POLA2: variants seen among roughly 807,000 people sequenced by gnomAD.
POLA2 encodes the protein DNA polymerase alpha subunit B.
POLA2 carries 47 observed loss-of-function variants against 82.8 expected under a neutral mutation model. The observed-to-expected ratio is 0.57, with a 90% confidence interval of 0.45 to 0.72. The LOEUF (loss-of-function observed/expected upper bound fraction) is 0.72. POLA2 is among the 30% of genes least tolerant of loss of function. The probability of loss-of-function intolerance (pLI) is 0.00; values close to 1 mark genes in which losing one functional copy is unlikely to be tolerated. For missense variants in POLA2, 634 were observed against 728.1 expected, an observed-to-expected ratio of 0.87 and a Z score of 1.49; for synonymous variants, 287 against 286.8, an observed-to-expected ratio of 1.00 and a Z score of -0.01.
chr11:65,297,731 A>G lies in POLA2; in HGVS notation c.*462A>G. On this transcript the variant is annotated 3_prime_UTR_variant, in exon 18 of 18. Coordinates refer to ENST00000265465, the MANE Select transcript of POLA2 (RefSeq NM_002689.4). ...AGTGGTGAGATCTCGGCTCACTGCA[A>G]GCTCTGCCGCCCGGGTTCATGCCAT... 1 of 150,630 alleles carries G rather than the reference A, an allele frequency of 6.6e-6. No homozygotes were observed. The highest frequency in any genetic ancestry group is 1.5e-5 in the Non-Finnish European group (1 of 67,588). The allele number at this position is 150,630 out of a possible 1,614,324, so 9.3% of individuals were successfully genotyped here.
At chr11:65,302,129 C>T (rs1949862290), downstream of POLA2, among the ~76,000 whole-genome samples, 1 of 152,184 alleles carries the variant, frequency 6.6e-6, no homozygotes, top group Admixed American at 6.5e-5. Context: ...GGCCCCTGCA[C>T]ACTGCTCCCT....
intron 4 of POLA2, among the ~76,000 whole-genome samples, chr11:65,270,529 C>T (rs1949510745): frequency 6.6e-6 from 1 of 152,194 alleles, no homozygotes; most frequent in South Asian, 2.1e-4. Context: ...GATTTTCCTC[C>T]TAAAGTGGTT....
At position 65,279,640 on chromosome 11, in the gene POLA2, T is replaced by G. The variant is rs1590899891; in HGVS notation, c.744+14T>G. On this transcript the variant is annotated intron_variant, in intron 7 of 17. Transcript: ENST00000265465. ...GCCCCAGCACAGGTAAGAGTTGTTCTAATAGTTCTCACTAATTAATATTAC... is the reference window on the plus strand; with the variant it reads ...GCCCCAGCACAGGTAAGAGTTGTTCGAATAGTTCTCACTAATTAATATTAC... 3 of 1,557,274 alleles carry G rather than the reference T, an allele frequency of 1.9e-6. No individual in the cohort carries two copies. The highest frequency in any genetic ancestry group is 2.6e-6 in the Non-Finnish European group (3 of 1,133,522).
Position 65,289,050 on chromosome 11 carries a change from T to A in POLA2, c.1132T>A (p.Phe378Ile), listed in dbSNP as rs772779916. 9 of 1,613,582 alleles carry A rather than the reference T, an allele frequency of 5.6e-6. No homozygotes were observed. Among genetic ancestry groups the A allele is most frequent in the African/African-American group, 1.3e-5 (1 of 75,034 alleles). The change falls in exon 12 of 18, where the codon TTT (phenylalanine) becomes ATT (isoleucine). Residue 378 changes from phenylalanine to isoleucine, a missense_variant and splice_region_variant. By Grantham distance (21) the Phe-to-Ile change is conservative (BLOSUM62 0). Coordinates refer to ENST00000265465, the MANE Select transcript of POLA2 (RefSeq NM_002689.4). ...GGTGTCTTTGTTTCTCCCCTTGCAGTTTGGCCCTTTCCTGGATGCTAAGCA... is the reference window on the plus strand; with the variant it reads ...GGTGTCTTTGTTTCTCCCCTTGCAGATTGGCCCTTTCCTGGATGCTAAGCA... ...NHDRPDVCIL[F>I]GPFLDAKHEQ...
downstream of POLA2, among the ~76,000 whole-genome samples, chr11:65,302,705 G>A (rs753633481): frequency 1.3e-5 from 2 of 151,938 alleles, no homozygotes; most frequent in Non-Finnish European, 2.9e-5. Context: ...GATTTGTCAT[G>A]TCCACACTCA....
At chr11:65,279,940 C>T (rs894498374) in intron 7 of POLA2, 5 of 282,070 alleles carry the variant, frequency 1.8e-5, no homozygotes, top group Non-Finnish European at 2.7e-5. Context: ...ATTCACGTAT[C>T]GAGATAAAAG....
Position 65,262,125 on chromosome 11 carries a change from G to C in POLA2, c.-168G>C, listed in dbSNP as rs1949404198. ...TATTTCTCTGTGACCGACGGCCGGG[G>C]CCTTCTGACGGTCTGAGGTCTTGCT... On this transcript the variant is annotated 5_prime_UTR_variant, in exon 1 of 18. Coordinates refer to ENST00000265465, the MANE Select transcript of POLA2 (RefSeq NM_002689.4). 1.7e-6 allele frequency: 1 copy of C among 595,774 alleles called. No homozygotes were observed. The highest frequency in any genetic ancestry group is 3.0e-6 in the Non-Finnish European group (1 of 333,126). The allele number at this position is 595,774 out of a possible 1,614,324, so 36.9% of individuals were successfully genotyped here. A position where few individuals can be genotyped will look rare whatever the true frequency, so the allele number is the denominator to read the frequency against.
In POLA2 at chr11:65,305,469, T is replaced by TA. The variant is rs1451040294; in HGVS notation, c.754dup (p.Tyr252Ter). ...CCCTGTTGACTGTGTGGGGGCCTGG[T>TA]ACCTGGCACAGTCTCCAAGAAGGAC... Residue 252 changes from tyrosine (Y) to a stop codon, truncating the protein, a stop_gained and frameshift_variant, in exon 9 of 9, where the codon TAC (tyrosine) becomes TAAC (stop). Coordinates refer to the POLA2 transcript ENST00000525924. LOFTEE classifies it high-confidence loss of function. The TA allele has an allele frequency of 9.0e-6, 4 of 445,068 alleles. No homozygotes were observed. The highest frequency in any genetic ancestry group is 8.1e-5 in the African/African-American group (4 of 49,216). The allele number at this position is 445,068 out of a possible 1,614,324, so 27.6% of individuals were successfully genotyped here. A position where few individuals can be genotyped will look rare whatever the true frequency, so the allele number is the denominator to read the frequency against.
In POLA2 at chr11:65,282,532, G is replaced by T; in HGVS notation, c.1006+11G>T. 6.2e-7 allele frequency: 1 copy of T among 1,610,612 alleles called. No individual in the cohort carries two copies. Among genetic ancestry groups the T allele is most frequent in the Non-Finnish European group, 8.5e-7 (1 of 1,176,844 alleles). On this transcript the variant is annotated intron_variant, in intron 10 of 17. Coordinates refer to ENST00000265465, the MANE Select transcript of POLA2 (RefSeq NM_002689.4). Reference sequence around the variant, plus strand: ...CTGAAGAGGATGCAGGTGAGTTTCGGTTCAAATATTGTTTTGCCAACAATG... The same window carrying T: ...CTGAAGAGGATGCAGGTGAGTTTCGTTTCAAATATTGTTTTGCCAACAATG...
intron 5 of POLA2, among the ~76,000 whole-genome samples, chr11:65,276,395 T>G (rs1949580033): frequency 6.7e-6 from 1 of 149,230 alleles, no homozygotes; most frequent in Admixed American, 6.6e-5. Flanking sequence ...CATCTAAAGT[T>G]TTTTTTTTTA....
At position 65,282,444 on chromosome 11, in the gene POLA2, G is replaced by T. The variant is rs376276791; in HGVS notation, c.964-35G>T. On this transcript the variant is annotated intron_variant, in intron 9 of 17. Transcript: ENST00000265465. ...TTTCCTTACCAAGGTGATGCCTGGC[G>T]CAAGACCTTACTTGAGCTTTTCCCC... 38 of 1,605,542 alleles carry T rather than the reference G, an allele frequency of 2.4e-5. No individual in the cohort carries two copies. In the Admixed American group the frequency reaches 3.8e-4, roughly 16 times the overall value.
chr11:65,305,552 T>C (rs1381870682), exon 9 of POLA2: 1 of 372,540 alleles, frequency 2.7e-6, no homozygotes, highest in Non-Finnish European at 5.3e-6. Context: ...TGCGTGCCTG[T>C]AGTCCCAGCC....
chr11:65,288,677 C>G (rs547117754), intron 11 of POLA2, among the ~76,000 whole-genome samples: 1 of 152,162 alleles, frequency 6.6e-6, no homozygotes, highest in Middle Eastern at 3.4e-3. Flanking sequence ...CGCCACCATG[C>G]CCAACTAATT....
intron 15 of POLA2, 90 bp downstream of exon 15, chr11:65,294,742 C>T (rs771165440): frequency 3.4e-5 from 29 of 850,738 alleles, no homozygotes; most frequent in Middle Eastern, 3.3e-4. Context: ...GGCTGCTTAA[C>T]GGTCTTGACC....
At chr11:65,295,787 C>T (rs993693430) in intron 16 of POLA2, 77 bp from the exon 17 acceptor site, 7 of 1,543,332 alleles carry the variant, frequency 4.5e-6, no homozygotes, top group African/African-American at 2.7e-5. Context: ...GCACGAAAGC[C>T]AGTACCTAGG....
intron 13 of POLA2, among the ~76,000 whole-genome samples, chr11:65,290,423 C>T (rs941573988): frequency 2.0e-5 from 3 of 152,072 alleles, no homozygotes; most frequent in African/African-American, 4.8e-5. Flanking sequence ...GTAATCCCAA[C>T]TACTGCGGAG....
intron 10 of POLA2, among the ~76,000 whole-genome samples, chr11:65,284,613 C>A (rs1949676538): frequency 6.6e-6 from 1 of 151,850 alleles, no homozygotes; most frequent in African/African-American, 2.4e-5. Context: ...GCAACCTCCA[C>A]CTCCCGGGTT....
rs575912121 is a variant in POLA2, at chr11:65,274,375, A to G, written c.355-1517A>G. Among the ~76,000 whole-genome samples, 5 of 148,826 alleles carry G rather than the reference A, an allele frequency of 3.4e-5. No individual in the cohort carries two copies. The East Asian group carries it at 9.8e-4, about 29-fold the overall frequency. On this transcript the variant is annotated intron_variant, in intron 4 of 17. Transcript: ENST00000265465. ...GAGCGAAGTGAAATTCCGTCTCGGA[A>G]AAAAAAAAAGGGAAAAAGATTGGGT...
Position 65,262,048 on chromosome 11 carries a change from G to C in POLA2, c.-245G>C, listed in dbSNP as rs1260833345. The C allele has an allele frequency of 3.6e-6, 2 of 554,750 alleles. No individual in the cohort carries two copies. Among genetic ancestry groups the C allele is most frequent in the South Asian group, 2.3e-5 (1 of 43,946 alleles). 34.4% of individuals were successfully genotyped at this position (554,750 alleles called of 1,614,324 possible). A position where few individuals can be genotyped will look rare whatever the true frequency, so the allele number is the denominator to read the frequency against. On this transcript the variant is annotated 5_prime_UTR_variant, in exon 1 of 18. Coordinates refer to ENST00000265465, the MANE Select transcript of POLA2 (RefSeq NM_002689.4). ...AGGAGAGCGTCCTCTCGAGATTTCT[G>C]CTCCCTCCATTCAGGGCGTTTGGGA...
Sources: allele counts gnomAD v4.1 joint callset (sites outside exome capture counted in the v4.1 genomes callset), GRCh38; gene constraint gnomAD v4.1.1; transcripts MANE v1.5; gene names NCBI Gene and HGNC (gene_info 2026-07-23, HGNC 2026-07-21).